The following PHACTR2 variants were observed in gnomAD, a reference collection of about 807,000 sequenced individuals.
PHACTR2 encodes the protein chromosome 6 open reading frame 56.
A neutral mutation model predicts 76.0 loss-of-function variants in PHACTR2; 30 were observed. That is an observed-to-expected ratio of 0.39 (90% CI 0.30 to 0.54). The LOEUF (loss-of-function observed/expected upper bound fraction) is 0.54, where lower values mean the gene tolerates loss of function less well. PHACTR2 is among the 20% of genes least tolerant of loss of function. PHACTR2 has a pLI of 0.61. For synonymous variants in PHACTR2, 292 were observed against 292.5 expected (o/e 1.00, Z 0.02); for missense variants, 696 against 781.1 (o/e 0.89, Z 1.30).
chr6:143,759,582 T>G (rs1437113311), intron 4 of PHACTR2, among the ~76,000 whole-genome samples: 2 of 148,730 alleles, frequency 1.3e-5, no homozygotes, highest in Non-Finnish European at 3.0e-5. Context: ...TGAGCCGTGA[T>G]CATACCACTG....
At position 143,683,291 on chromosome 6, in the gene PHACTR2, C is replaced by T. The variant is rs1777439581; in HGVS notation, c.46+5082C>T. The stretch of plus-strand genomic sequence containing the variant: ...ATATGAATGAGTCAACAAATAGTCT[C>T]AATAAGCAGCCTGACTGCTTTAAAC... On this transcript the variant is annotated intron_variant, in intron 1 of 12. Coordinates refer to ENST00000440869, the MANE Select transcript of PHACTR2 (RefSeq NM_001100164.2). The surrounding 1 kb of genome is among the most constrained non-coding windows in gnomAD (Gnocchi z 4.1). Among the ~76,000 whole-genome samples, 1 of 152,154 alleles carries T rather than the reference C, an allele frequency of 6.6e-6. No homozygotes were observed. The highest frequency in any genetic ancestry group is 6.5e-5 in the Admixed American group (1 of 15,280).
rs1409503801 is a variant in PHACTR2, at chr6:143,789,004, G to A, written c.1845+94G>A. The A allele has an allele frequency of 2.7e-6, 3 of 1,122,418 alleles. No individual in the cohort carries two copies. Among genetic ancestry groups the A allele is most frequent in the Admixed American group, 2.0e-5 (1 of 49,154 alleles). 69.5% of individuals were successfully genotyped at this position (1,122,418 alleles called of 1,614,324 possible). A position where few individuals can be genotyped will look rare whatever the true frequency, so the allele number is the denominator to read the frequency against. ...CTACTTAAGTCATCCCAGGGGACGA[G>A]ATCTTACCAAATATTACAACAGTTT... On this transcript the variant is annotated intron_variant, in intron 11 of 12. Transcript: ENST00000440869. This position sits in a 1 kb window ranked among gnomAD's most constrained non-coding sequence, Gnocchi z 5.1.
Position 143,585,308 on chromosome 6 carries a change from A to T in PHACTR2, c.217+48101A>T, listed in dbSNP as rs932661691. Among the ~76,000 whole-genome samples the T allele has an allele frequency of 1.3e-5, 2 of 152,208 alleles. No homozygotes were observed. The highest frequency in any genetic ancestry group is 2.4e-5 in the African/African-American group (1 of 41,464). ...TCACTGTCAGGAAGCAGGTCTGTCC[A>T]TTGGAGCAAGATTCCAGCTACCAGG... On this transcript the variant is annotated intron_variant, in intron 1 of 11. Transcript: ENST00000367584. The surrounding 1 kb of genome is among the most constrained non-coding windows in gnomAD (Gnocchi z 5.2).
In PHACTR2 at chr6:143,816,930, G is replaced by A. The variant is rs1233774207; in HGVS notation, c.1923-6744G>A. Among the ~76,000 whole-genome samples, 1 of 152,136 alleles carries A rather than the reference G, an allele frequency of 6.6e-6. No homozygotes were observed. Among genetic ancestry groups the A allele is most frequent in the Non-Finnish European group, 1.5e-5 (1 of 68,034 alleles). On this transcript the variant is annotated intron_variant, in intron 12 of 12. Transcript: ENST00000440869. This position sits in a 1 kb window ranked among gnomAD's most constrained non-coding sequence, Gnocchi z 4.5. ...AAAATACAAAAATTAGCCAAGTGTG[G>A]TGGCGAGTGCCTGTATTCCCAGCTA...
chr6:143,661,577 TC>T (rs1412379626), intron 1 of PHACTR2, among the ~76,000 whole-genome samples: 2,467 of 150,272 alleles, frequency 0.016, 75 homozygotes, highest in African/African-American at 0.056. Context: ...TTTTTTTTTT[TC>T]TTTGAGGCAG....
rs1224385730 is a variant in PHACTR2 at position 143,599,864 on chromosome 6, A to C, written c.217+62657A>C. Among the ~76,000 whole-genome samples the C allele has an allele frequency of 1.3e-5, 2 of 152,100 alleles. No individual in the cohort carries two copies. The highest frequency in any genetic ancestry group is 6.5e-5 in the Admixed American group (1 of 15,272). ...TTTCAGGAGCCAGGCAGGCCATGTA[A>C]GTGTGTGTAGCTCAATGTGAGACAA... On this transcript the variant is annotated intron_variant, in intron 1 of 11. Coordinates refer to the PHACTR2 transcript ENST00000367584. The surrounding 1 kb of genome is among the most constrained non-coding windows in gnomAD (Gnocchi z 4.6).
Position 143,733,037 on chromosome 6 carries a change from G to A in PHACTR2, c.215-15948G>A, listed in dbSNP as rs574869319. Among the ~76,000 whole-genome samples the A allele has an allele frequency of 1.1e-4, 16 of 152,108 alleles. No homozygotes were observed. Among genetic ancestry groups the A allele is most frequent in the African/African-American group, 3.4e-4 (14 of 41,508 alleles). On this transcript the variant is annotated intron_variant, in intron 2 of 12. Transcript: ENST00000440869. The surrounding 1 kb of genome is among the most constrained non-coding windows in gnomAD (Gnocchi z 4.0). ...CCCAAGTTGCTAGGACCAAAGGCAT[G>A]CACCACAACACCCAACTTAATTTTA...
intron 1 of PHACTR2, among the ~76,000 whole-genome samples, chr6:143,681,267 T>G (rs1038802722): frequency 1.1e-4 from 17 of 152,190 alleles, no homozygotes; most frequent in African/African-American, 3.9e-4. Flanking sequence ...TACCAACATT[T>G]GTTACTGTCT....
chr6:143,544,110 G>A (rs899945623), intron 1 of PHACTR2, among the ~76,000 whole-genome samples: 3 of 152,088 alleles, frequency 2.0e-5, no homozygotes, highest in Middle Eastern at 3.2e-3. Flanking sequence ...CTTCCCTGAG[G>A]TGGGTTGTAG....
In PHACTR2 at chr6:143,696,477, T is replaced by C. The variant is rs1221364731; in HGVS notation, c.47-15539T>C. On this transcript the variant is annotated intron_variant, in intron 1 of 12. Coordinates refer to ENST00000440869, the MANE Select transcript of PHACTR2 (RefSeq NM_001100164.2). The surrounding 1 kb of genome is among the most constrained non-coding windows in gnomAD (Gnocchi z 4.1). ...ATCAGCCTTTTTCCACTTGCTTACA[T>C]GTATTATCTCTATTAACAGTAGCCA... 1.3e-5 allele frequency among the ~76,000 whole-genome samples: 2 copies of C among 152,160 alleles called. No homozygotes were observed. Among genetic ancestry groups the C allele is most frequent in the Non-Finnish European group, 2.9e-5 (2 of 68,018 alleles).
rs990556363 is a variant in PHACTR2 at position 143,807,781 on chromosome 6, C to T, written c.1922+648C>T. Among the ~76,000 whole-genome samples, 2 of 152,154 alleles carry T rather than the reference C, an allele frequency of 1.3e-5. No individual in the cohort carries two copies. Among genetic ancestry groups the T allele is most frequent in the Non-Finnish European group, 1.5e-5 (1 of 68,030 alleles). On this transcript the variant is annotated intron_variant, in intron 12 of 12. Coordinates refer to ENST00000440869, the MANE Select transcript of PHACTR2 (RefSeq NM_001100164.2). This position sits in a 1 kb window ranked among gnomAD's most constrained non-coding sequence, Gnocchi z 5.5. ...TTACCATTTTTCCCTCAGTCCCTTT[C>T]GGTTTCTTTCACAGGTTACCTAACC... is the stretch of plus-strand genomic sequence containing the variant.
In PHACTR2 at chr6:143,618,950, G is replaced by A. The variant is rs1422196356; in HGVS notation, c.13+10628G>A. 6.6e-6 allele frequency among the ~76,000 whole-genome samples: 1 copy of A among 152,154 alleles called. No individual in the cohort carries two copies. The highest frequency in any genetic ancestry group is 1.5e-5 in the Non-Finnish European group (1 of 68,038). On this transcript the variant is annotated intron_variant, in intron 1 of 11. Coordinates refer to the PHACTR2 transcript ENST00000305766. The surrounding 1 kb of genome is among the most constrained non-coding windows in gnomAD (Gnocchi z 5.2). ...AAGTACTGTACCTGGCAGAGGAGGTGTGTTCCATAAGCAGGCAAATGAATA... is the reference window on the plus strand; with the variant it reads ...AAGTACTGTACCTGGCAGAGGAGGTATGTTCCATAAGCAGGCAAATGAATA...
At chr6:143,565,015 A>C (rs1775342740) in intron 1 of PHACTR2, among the ~76,000 whole-genome samples, 1 of 152,206 alleles carries the variant, frequency 6.6e-6, no homozygotes, top group African/African-American at 2.4e-5. Context: ...CCATCAGCAG[A>C]TTCTTCTAGC....
rs1479780265 is a variant in PHACTR2 at position 143,683,378 on chromosome 6, A to T, written c.46+5169A>T. On this transcript the variant is annotated intron_variant, in intron 1 of 12. Coordinates refer to ENST00000440869, the MANE Select transcript of PHACTR2 (RefSeq NM_001100164.2). This position sits in a 1 kb window ranked among gnomAD's most constrained non-coding sequence, Gnocchi z 4.1. ...ATTCTTTTTTTAGTCCAAGAATTAC[A>T]TTACTCTGGCTCTATTGTCTGAAGG... Among the ~76,000 whole-genome samples the T allele has an allele frequency of 1.3e-5, 2 of 152,330 alleles. No individual in the cohort carries two copies. The highest frequency in any genetic ancestry group is 2.1e-4 in the South Asian group (1 of 4,828).
intron 1 of PHACTR2, among the ~76,000 whole-genome samples, chr6:143,612,163 T>C (rs60907469): frequency 0.014 from 2,098 of 152,280 alleles, 52 homozygotes; most frequent in African/African-American, 0.047. Context: ...CTGTGGGAGA[T>C]TCTATGGGAT....
At position 143,546,251 on chromosome 6, in the gene PHACTR2, A is replaced by C. The variant is rs62429088; in HGVS notation, c.217+9044A>C. Among the ~76,000 whole-genome samples the C allele has an allele frequency of 6.6e-6, 1 of 152,084 alleles. No individual in the cohort carries two copies. Among genetic ancestry groups the C allele is most frequent in the Non-Finnish European group, 1.5e-5 (1 of 68,028 alleles). ...ACTTATTTTGTGACCTGTTGGCTAA[A>C]ATTTGACATTTATATGCCTTACTTT... On this transcript the variant is annotated intron_variant, in intron 1 of 11. Coordinates refer to the PHACTR2 transcript ENST00000367584. This position sits in a 1 kb window ranked among gnomAD's most constrained non-coding sequence, Gnocchi z 4.9.
rs1775685525 is a variant in PHACTR2 at position 143,791,340 on chromosome 6, T to G, written c.1845+2430T>G. 6.6e-6 allele frequency among the ~76,000 whole-genome samples: 1 copy of G among 152,172 alleles called. No homozygotes were observed. The highest frequency in any genetic ancestry group is 2.1e-4 in the South Asian group (1 of 4,830). ...TCATTAATTTTCATCCTTCCTTACTTTCTGATACAAGCACTGAAGGTTAGA... is the reference window on the plus strand; with the variant it reads ...TCATTAATTTTCATCCTTCCTTACTGTCTGATACAAGCACTGAAGGTTAGA... On this transcript the variant is annotated intron_variant, in intron 11 of 12. Transcript: ENST00000440869. This position sits in a 1 kb window ranked among gnomAD's most constrained non-coding sequence, Gnocchi z 4.7.
rs910305740 is a variant in PHACTR2, at chr6:143,618,442, G to A, written c.13+10120G>A. 8.5e-5 allele frequency among the ~76,000 whole-genome samples: 13 copies of A among 152,104 alleles called. No homozygotes were observed. Among genetic ancestry groups the A allele is most frequent in the African/African-American group, 2.2e-4 (9 of 41,420 alleles). On this transcript the variant is annotated intron_variant, in intron 1 of 11. Transcript: ENST00000305766. The surrounding 1 kb of genome is among the most constrained non-coding windows in gnomAD (Gnocchi z 5.2). ...ATATATGCTTTCTAATAGAAACAGC[G>A]CAATTTAGTAAAACCATCTTTTACA...
At chr6:143,756,084 C>T (rs1358869478) in intron 4 of PHACTR2, among the ~76,000 whole-genome samples, 3 of 152,116 alleles carry the variant, frequency 2.0e-5, no homozygotes, top group Admixed American at 6.5e-5. Flanking sequence ...GTTATATTTG[C>T]CAAACCATAT....
Sources: allele counts gnomAD v4.1 joint callset (sites outside exome capture counted in the v4.1 genomes callset), GRCh38; gene constraint gnomAD v4.1.1; non-coding constraint Gnocchi (gnomAD v3.1); transcripts MANE v1.5; gene names NCBI Gene and HGNC (gene_info 2026-07-23, HGNC 2026-07-21).